The following DOCK1 variants were observed in gnomAD, a reference collection of about 807,000 sequenced individuals.
DOCK1 encodes the protein dedicator of cytokinesis protein 1.
A neutral mutation model predicts 262.7 loss-of-function variants in DOCK1; 138 were observed. That is an observed-to-expected ratio of 0.53 (90% CI 0.46 to 0.61). The LOEUF (loss-of-function observed/expected upper bound fraction) is 0.61, where lower values mean the gene tolerates loss of function less well. Among genes scored for constraint, DOCK1 ranks in the 20% least tolerant of loss-of-function variants. DOCK1 has a pLI of 0.00. For synonymous variants in DOCK1, 866 were observed against 867.4 expected (o/e 1.00, Z 0.03); for missense variants, 1,908 against 2,370.7 (o/e 0.80, Z 4.05).
intron 25 of DOCK1, among the ~76,000 whole-genome samples, chr10:127,111,291 A>G (rs999754193): frequency 6.6e-6 from 1 of 152,172 alleles, no homozygotes; most frequent in South Asian, 2.1e-4. Flanking sequence ...TAAGGCTAAT[A>G]TTGAAAGAAA....
intron 51 of DOCK1, among the ~76,000 whole-genome samples, chr10:127,449,742 TGGG>T (rs1048978219): frequency 5.9e-5 from 9 of 152,146 alleles, no homozygotes; most frequent in Admixed American, 2.0e-4. Flanking sequence ...TCTGCCATGA[TGGG>T]GGTGTGATCA....
rs769129811 is a variant in DOCK1 at position 126,999,421 on chromosome 10, C to T, written c.835C>T (p.Arg279Ter). ...PKDIDRLHNL[R>*]AVFTDLGSKD... ...AGACATAGACAGATTACATAATTTGCGAGCCGTGTTTACTGTAAGTGCACC... is the reference window on the plus strand; with the variant it reads ...AGACATAGACAGATTACATAATTTGTGAGCCGTGTTTACTGTAAGTGCACC... Residue 279 changes from arginine to a stop codon, truncating the protein, a stop_gained, in exon 9 of 52, where the codon CGA (arginine) becomes TGA (stop). Transcript: ENST00000623213. LOFTEE classifies it high-confidence loss of function. The T allele has an allele frequency of 6.2e-6, 10 of 1,612,484 alleles. No homozygotes were observed. Among genetic ancestry groups the T allele is most frequent in the South Asian group, 1.1e-5 (1 of 90,828 alleles).
chr10:127,102,582 C>T (rs1030802558), intron 23 of DOCK1, among the ~76,000 whole-genome samples: 1 of 152,250 alleles, frequency 6.6e-6, no homozygotes, highest in African/African-American at 2.4e-5. Flanking sequence ...GTAATCCCAG[C>T]ACTTTGGGAG....
chr10:127,221,002 T>C (rs2058416338), intron 27 of DOCK1, among the ~76,000 whole-genome samples: 2 of 152,214 alleles, frequency 1.3e-5, no homozygotes, highest in South Asian at 4.1e-4. Flanking sequence ...AGTTTAGATG[T>C]GTGGTTGCTA....
chr10:127,401,689 G>T (rs1033719534), intron 38 of DOCK1, among the ~76,000 whole-genome samples: 5 of 151,938 alleles, frequency 3.3e-5, no homozygotes, highest in Non-Finnish European at 7.4e-5. Flanking sequence ...CCTTTCCCTG[G>T]CACTGTCTGT....
At chr10:127,156,985 G>T (rs966372659) in intron 27 of DOCK1, among the ~76,000 whole-genome samples, 1 of 152,216 alleles carries the variant, frequency 6.6e-6, no homozygotes, top group Non-Finnish European at 1.5e-5. Flanking sequence ...CATACTAAGT[G>T]TGAAACATTT....
chr10:127,360,446 C>T (rs1398799682), intron 32 of DOCK1, among the ~76,000 whole-genome samples: 1 of 152,178 alleles, frequency 6.6e-6, no homozygotes, highest in Admixed American at 6.5e-5. Context: ...GGTGATCCTG[C>T]GCTAGCATCT....
At chr10:127,024,422 G>T (rs551144822) in intron 14 of DOCK1, among the ~76,000 whole-genome samples, 1 of 152,166 alleles carries the variant, frequency 6.6e-6, no homozygotes, top group Non-Finnish European at 1.5e-5. Flanking sequence ...AAGTTATTAG[G>T]GTTGAGGGTC....
chr10:127,037,715 C>A lies in DOCK1; in HGVS notation c.1913-4C>A. On this transcript the variant is annotated splice_polypyrimidine_tract_variant and splice_region_variant and intron_variant, in intron 18 of 51. Coordinates refer to ENST00000623213, the MANE Select transcript of DOCK1 (RefSeq NM_001290223.2). The stretch of plus-strand genomic sequence containing the variant: ...AAGATCTGATTGTCATTTTCTGTTT[C>A]CAGTGGACCTTCTGGGGCTCTTGAA... 1 of 1,580,010 alleles carries A rather than the reference C, an allele frequency of 6.3e-7. No homozygotes were observed. The highest frequency in any genetic ancestry group is 1.8e-5 in the Admixed American group (1 of 54,760).
At chr10:127,267,379 T>G (rs2060401034) in intron 29 of DOCK1, among the ~76,000 whole-genome samples, 1 of 152,236 alleles carries the variant, frequency 6.6e-6, no homozygotes, top group Non-Finnish European at 1.5e-5. Context: ...CTAAAACAAA[T>G]AATTTCCAGA....
intron 29 of DOCK1, among the ~76,000 whole-genome samples, chr10:127,276,249 G>T (rs2060736762): frequency 6.6e-6 from 1 of 152,290 alleles, no homozygotes; most frequent in South Asian, 2.1e-4. Context: ...ATAGGAACCA[G>T]AGCCCCTAGA....
intron 29 of DOCK1, among the ~76,000 whole-genome samples, chr10:127,294,717 C>T (rs1211860586): frequency 4.8e-5 from 7 of 145,086 alleles, no homozygotes; most frequent in Non-Finnish European, 9.1e-5. Context: ...GGCGTGATCT[C>T]GGATCACTGC....
In DOCK1 at chr10:127,175,612, TGAGG is replaced by T; in HGVS notation, c.2847+47850_2847+47853del. ...AAACCAGGCTCGGGGGCCCTGGCAC[TGAGG>T]GCAGGTGCGTAAACGGTGGCAACCT... is the stretch of plus-strand genomic sequence containing the variant. On this transcript the variant is annotated intron_variant, in intron 27 of 51. Transcript: ENST00000623213. This position sits in a 1 kb window ranked among gnomAD's most constrained non-coding sequence, Gnocchi z 6.3. 1 of 1,612,988 alleles carries T rather than the reference TGAGG, an allele frequency of 6.2e-7. No individual in the cohort carries two copies. Among genetic ancestry groups the T allele is most frequent in the Non-Finnish European group, 8.5e-7 (1 of 1,179,934 alleles).
chr10:127,213,511 G>C (rs1423806204), intron 27 of DOCK1, among the ~76,000 whole-genome samples: 1 of 152,230 alleles, frequency 6.6e-6, no homozygotes, highest in East Asian at 1.9e-4. Context: ...TCTCTTTAAA[G>C]AGATTGATCA....
chr10:126,979,742 C>T (rs781124062), intron 3 of DOCK1, among the ~76,000 whole-genome samples: 1 of 152,118 alleles, frequency 6.6e-6, no homozygotes, highest in South Asian at 2.1e-4. Flanking sequence ...ATGAATAAAT[C>T]CAAGCTTTAC....
At chr10:127,197,334 G>A (rs925863792) in intron 27 of DOCK1, among the ~76,000 whole-genome samples, 2 of 152,210 alleles carry the variant, frequency 1.3e-5, no homozygotes, top group African/African-American at 4.8e-5. Context: ...TCTCTTGGGA[G>A]AGGAAAAGAC....
At chr10:127,282,924 C>G (rs1270757600) in intron 29 of DOCK1, among the ~76,000 whole-genome samples, 1 of 152,246 alleles carries the variant, frequency 6.6e-6, no homozygotes, top group Admixed American at 6.5e-5. Flanking sequence ...ATCCTACCAA[C>G]TGTGTTTCCA....
At position 127,037,585 on chromosome 10, in the gene DOCK1, A is replaced by G. The variant is rs911958488; in HGVS notation, c.1913-134A>G. The G allele has an allele frequency of 1.6e-5, 10 of 644,712 alleles. No individual in the cohort carries two copies. The African/African-American group carries it at 1.8e-4, about 12-fold the overall frequency. The allele number at this position is 644,712 out of a possible 1,614,324, so 39.9% of individuals were successfully genotyped here. A position where few individuals can be genotyped will look rare whatever the true frequency, so the allele number is the denominator to read the frequency against. On this transcript the variant is annotated intron_variant, in intron 18 of 51. Transcript: ENST00000623213. ...GCTACAAAGGAATGGAATATTTAGC[A>G]GGTGAATCTTTTAAAATAGGGTTGA...
At chr10:127,017,752 C>T (rs2042111018) in intron 12 of DOCK1, among the ~76,000 whole-genome samples, 1 of 152,170 alleles carries the variant, frequency 6.6e-6, no homozygotes, top group South Asian at 2.1e-4. Flanking sequence ...AGGGACAGAG[C>T]ACCCCCATGT....
Sources: allele counts gnomAD v4.1 joint callset (sites outside exome capture counted in the v4.1 genomes callset), GRCh38; gene constraint gnomAD v4.1.1; non-coding constraint Gnocchi (gnomAD v3.1); transcripts MANE v1.5; gene names NCBI Gene and HGNC (gene_info 2026-07-23, HGNC 2026-07-21).